Variants in EBI3 observed in about 807,000 individuals in gnomAD.
EBI3 encodes Epstein-Barr virus induced 3, also known as interleukin-27 subunit beta.
EBI3 carries 19 observed loss-of-function variants against 21.3 expected under a neutral mutation model. That is an observed-to-expected ratio of 0.89 (90% CI 0.62 to 1.31). The LOEUF (loss-of-function observed/expected upper bound fraction) is 1.31, where lower values mean the gene tolerates loss of function less well. EBI3 is among the 50% of genes most tolerant of loss of function. The pLI is 0.00. For missense variants in EBI3, 331 were observed against 314.0 expected, an observed-to-expected ratio of 1.05 and a Z score of -0.41; for synonymous variants, 154 against 131.2, an observed-to-expected ratio of 1.17 and a Z score of -1.19.
Position 4,231,177 on chromosome 19 carries a change from C to G in EBI3, c.68-14C>G. 1 of 1,563,130 alleles carries G rather than the reference C, an allele frequency of 6.4e-7. No homozygotes were observed. On this transcript the variant is annotated splice_polypyrimidine_tract_variant and intron_variant, in intron 1 of 4. Transcript: ENST00000221847. ...GGGGTAAACCAGAAGCTCACTCTTT[C>G]TGTCTTCCTCCAGGGCCCCCAGCAG...
At position 4,233,300 on chromosome 19, in the gene EBI3, G is replaced by T; in HGVS notation, c.372G>T (p.Glu124Asp). The T allele has an allele frequency of 1.0e-6, 1 of 970,966 alleles. No individual in the cohort carries two copies. The allele number at this position is 970,966 out of a possible 1,614,324, so 60.1% of individuals were successfully genotyped here. ...GCAGCTTCGTGCCTTTCATAACAGA[G>T]CACATCAGTGAGTGGGGGCGGCAGT... ...SSSSFVPFIT[E>D]HIIKPDPPEG... The change falls in exon 3 of 5, where the codon GAG becomes GAT. Residue 124 changes from glutamate (E) to aspartate (D), a missense_variant. Physicochemically the swap from Glu to Asp is conservative, Grantham distance 45 (BLOSUM62 2). Transcript: ENST00000221847.
chr19:4,237,027 A>G lies in EBI3; in HGVS notation c.629A>G (p.Asp210Gly). 2 of 1,575,304 alleles carry G rather than the reference A, an allele frequency of 1.3e-6. No individual in the cohort carries two copies. Among genetic ancestry groups the G allele is most frequent in the Non-Finnish European group, 1.7e-6 (2 of 1,157,728 alleles). The part of the protein sequence containing the change: ...YVQVAAQDLT[D>G]YGELSDWSLP... ...CAAGTGGCGGCTCAGGACCTCACAG[A>G]CTACGGGGAACTGAGTGACTGGAGT... Residue 210 changes from aspartate to glycine, a missense_variant, in exon 5 of 5, where the codon GAC becomes GGC. Physicochemically the swap from Asp to Gly is moderately conservative, Grantham distance 94. Coordinates refer to ENST00000221847, the MANE Select transcript of EBI3 (RefSeq NM_005755.3).
rs1165036169 is a variant in EBI3, at chr19:4,232,799, TTAATGAATGAATGAAC to T, written c.201-329_201-314del. ...ATTAATGAATGAATGAAGGAATGAA[TTAATGAATGAATGAAC>T]GGATGAATGAATGAATGAATGGATG... On this transcript the variant is annotated intron_variant, in intron 2 of 4. Transcript: ENST00000221847. Among the ~76,000 whole-genome samples the T allele has an allele frequency of 3.1e-3, 408 of 132,340 alleles. 4 individuals carry two copies. The highest frequency in any genetic ancestry group is 0.011 in the African/African-American group (391 of 36,124). The allele number at this position is 132,340 out of a possible 152,430, so 86.8% of individuals were successfully genotyped here.
chr19:4,236,396 C>A (rs985346923), intron 4 of EBI3, among the ~76,000 whole-genome samples: 1 of 151,550 alleles, frequency 6.6e-6, no homozygotes, highest in Non-Finnish European at 1.5e-5. Flanking sequence ...GTGGCGGGCG[C>A]CTGTAATCCC....
In EBI3 at chr19:4,237,144, G is replaced by A. The variant is rs541595784; in HGVS notation, c.*56G>A. ...CTGGGTCCTCGCCACCCTAAGCCCC[G>A]GGACACCTGTTGGAGGGCGGATGGG... On this transcript the variant is annotated 3_prime_UTR_variant, in exon 5 of 5. Coordinates refer to ENST00000221847, the MANE Select transcript of EBI3 (RefSeq NM_005755.3). 96 of 1,408,204 alleles carry A rather than the reference G, an allele frequency of 6.8e-5. No individual in the cohort carries two copies. The highest frequency in any genetic ancestry group is 5.8e-4 in the African/African-American group (39 of 67,536). The allele number at this position is 1,408,204 out of a possible 1,614,324, so 87.2% of individuals were successfully genotyped here.
At position 4,231,284 on chromosome 19, in the gene EBI3, C is replaced by T; in HGVS notation, c.161C>T (p.Pro54Leu). The change falls in exon 2 of 5, where the codon CCA (proline) becomes CTA (leucine). Residue 54 changes from proline to leucine, a missense_variant. Pro to Leu is a moderately conservative substitution (Grantham distance 98). Coordinates refer to ENST00000221847, the MANE Select transcript of EBI3 (RefSeq NM_005755.3). ...TGCTCCTGGACCCTGCCGCCTGCTCCAAACTCCACCAGCCCCGTGTCCTTC... is the reference window on the plus strand; with the variant it reads ...TGCTCCTGGACCCTGCCGCCTGCTCTAAACTCCACCAGCCCCGTGTCCTTC... ...VDCSWTLPPA[P>L]NSTSPVSFIA... The T allele has an allele frequency of 6.2e-7, 1 of 1,613,176 alleles. No individual in the cohort carries two copies. Among genetic ancestry groups the T allele is most frequent in the Non-Finnish European group, 8.5e-7 (1 of 1,179,756 alleles).
At chr19:4,234,223 A>AAAAC (rs999922625) in intron 3 of EBI3, among the ~76,000 whole-genome samples, 1 of 151,950 alleles carries the variant, frequency 6.6e-6, no homozygotes, top group African/African-American at 2.4e-5. Context: ...AAAACAAAAC[A>AAAAC]AAACAAAAAT....
chr19:4,233,371 C>T, intron 3 of EBI3, 64 bp downstream of exon 3: 2 of 1,494,112 alleles, frequency 1.3e-6, no homozygotes, highest in African/African-American at 1.4e-5. Context: ...CCCCCCACCC[C>T]ACCTCCCACC....
intron 3 of EBI3, 132 bp from the exon 4 acceptor site, chr19:4,234,535 C>G: frequency 7.1e-7 from 1 of 1,416,704 alleles, no homozygotes; most frequent in South Asian, 1.4e-5. Flanking sequence ...TGTACTCCAG[C>G]CTGGGTGACA....
intron 2 of EBI3, among the ~76,000 whole-genome samples, chr19:4,232,550 C>CCG (rs1555723531): frequency 7.0e-6 from 1 of 142,916 alleles, no homozygotes; most frequent in East Asian, 2.1e-4. Context: ...AGACCCCCCC[C>CCG]CATCTGTAGA....
At chr19:4,236,518 C>CAAAA (rs4009634) in intron 4 of EBI3, among the ~76,000 whole-genome samples, 417 of 30,484 alleles carry the variant, frequency 0.014, 116 homozygotes, top group Middle Eastern at 0.062. Flanking sequence ...AAGACTGTCT[C>CAAAA]AAAAAAAAAA....
intron 1 of EBI3, 86 bp downstream of exon 1, chr19:4,229,703 A>C: frequency 7.3e-7 from 1 of 1,371,472 alleles, no homozygotes. Context: ...GGGGTGGGAA[A>C]TCACATCCTC....
intron 4 of EBI3, among the ~76,000 whole-genome samples, chr19:4,235,062 T>G (rs553090215): frequency 1.3e-5 from 2 of 152,168 alleles, no homozygotes; most frequent in Non-Finnish European, 2.9e-5. Context: ...AGTCTCGCTC[T>G]GTCGCCCAGG....
intron 2 of EBI3, among the ~76,000 whole-genome samples, chr19:4,231,559 C>G (rs1428626207): frequency 6.6e-6 from 1 of 151,222 alleles, no homozygotes; most frequent in African/African-American, 2.4e-5. Flanking sequence ...TGCTTGAGGT[C>G]AGGAGTTTGA....
At chr19:4,231,458 CG>C (rs1453163278) in intron 2 of EBI3, 135 bp downstream of exon 2, 26 of 1,281,548 alleles carry the variant, frequency 2.0e-5, no homozygotes, top group Non-Finnish European at 2.3e-5. Context: ...AATTCTAGGG[CG>C]GCCCCGTCCA....
chr19:4,234,265 T>C (rs1200035769), intron 3 of EBI3, among the ~76,000 whole-genome samples: 1 of 152,112 alleles, frequency 6.6e-6, no homozygotes, highest in Non-Finnish European at 1.5e-5. Flanking sequence ...ACTCCCCAGC[T>C]TTCTTCCCTA....
intron 2 of EBI3, among the ~76,000 whole-genome samples, chr19:4,232,222 C>CAAAAAAAAAAAAAAAAAAAA (rs71166979): frequency 1.7e-5 from 1 of 57,816 alleles, no homozygotes; most frequent in African/African-American, 9.0e-5. Flanking sequence ...GACCCCGTCT[C>CAAAAAAAAAAAAAAAAAAAA]AAAAAAAAAA....
chr19:4,233,146 G>T lies in EBI3; in HGVS notation c.218G>T (p.Arg73Leu). The T allele has an allele frequency of 1.3e-6, 2 of 1,596,976 alleles. No individual in the cohort carries two copies. The highest frequency in any genetic ancestry group is 8.5e-7 in the Non-Finnish European group (1 of 1,177,240). Residue 73 changes from arginine to leucine, a missense_variant, in exon 3 of 5, where the codon CGG becomes CTG. Arg to Leu is a moderately radical substitution (Grantham distance 102). Coordinates refer to ENST00000221847, the MANE Select transcript of EBI3 (RefSeq NM_005755.3). Reference protein sequence around the residue: ...IATYRLGMAARGHSWPCLQQT... With the variant: ...IATYRLGMAALGHSWPCLQQT... ...CTGTGCAGGCTCGGCATGGCTGCCC[G>T]GGGCCACAGCTGGCCCTGCCTGCAG... is the stretch of plus-strand genomic sequence containing the variant.
Position 4,231,382 on chromosome 19 carries a change from C to T in EBI3, c.200+59C>T. On this transcript the variant is annotated intron_variant, in intron 2 of 4. Coordinates refer to ENST00000221847, the MANE Select transcript of EBI3 (RefSeq NM_005755.3). ...TGGACTTCCTGGAGAGCCCAGAACTCTGGCCCTGAGAGCCCTGGGGTCAGG... is the reference window on the plus strand; with the variant it reads ...TGGACTTCCTGGAGAGCCCAGAACTTTGGCCCTGAGAGCCCTGGGGTCAGG... 9.2e-6 allele frequency: 14 copies of T among 1,524,446 alleles called. No individual in the cohort carries two copies. In the South Asian group the frequency reaches 1.7e-4, roughly 18 times the overall value. The allele number at this position is 1,524,446 out of a possible 1,614,324, so 94.4% of individuals were successfully genotyped here.
Sources: allele counts gnomAD v4.1 joint callset (sites outside exome capture counted in the v4.1 genomes callset), GRCh38; gene constraint gnomAD v4.1.1; transcripts MANE v1.5; gene names NCBI Gene and HGNC (gene_info 2026-07-23, HGNC 2026-07-21).